The following CACNA1C variants were observed in gnomAD, a reference collection of about 807,000 sequenced individuals.
CACNA1C encodes the protein voltage-dependent L-type calcium channel subunit alpha-1C.
A neutral mutation model predicts 229.0 loss-of-function variants in CACNA1C; 30 were observed. That is an observed-to-expected ratio of 0.13 (90% CI 0.10 to 0.18). The LOEUF (loss-of-function observed/expected upper bound fraction) is 0.18. Among genes scored for constraint, CACNA1C ranks in the 10% least tolerant of loss-of-function variants. CACNA1C has a pLI of 1.00. For synonymous variants in CACNA1C, 1,114 were observed against 1,132.5 expected (o/e 0.98, Z 0.33); for missense variants, 1,658 against 2,845.0 (o/e 0.58, Z 9.49).
chr12:2,406,503 C>A (rs1412275077), intron 3 of CACNA1C, among the ~76,000 whole-genome samples: 1 of 152,178 alleles, frequency 6.6e-6, no homozygotes, highest in Non-Finnish European at 1.5e-5. Flanking sequence ...CCTTCAAGTT[C>A]ATTGATTCCT....
chr12:2,589,404 G>A (rs899496812), intron 18 of CACNA1C, among the ~76,000 whole-genome samples: 2 of 152,256 alleles, frequency 1.3e-5, no homozygotes, highest in African/African-American at 2.4e-5. Flanking sequence ...GGATTCAAAA[G>A]AACTAGACAT....
In CACNA1C at chr12:2,090,310, C is replaced by CTTTTTTT. The variant is rs145675982; in HGVS notation, c.50-24895_50-24889dup. 1.7e-3 allele frequency among the ~76,000 whole-genome samples: 116 copies of CTTTTTTT among 69,192 alleles called. 2 individuals are homozygous for CTTTTTTT. The highest frequency in any genetic ancestry group is 2.7e-3 in the South Asian group (4 of 1,498). The allele number at this position is 69,192 out of a possible 152,430, so 45.4% of individuals were successfully genotyped here. ...AATAGTCCATTTTATGGATAGACTA[C>CTTTTTTT]TTTTTTTTTTTTTTTTTTTTTTTTT... is the stretch of plus-strand genomic sequence containing the variant. On this transcript the variant is annotated intron_variant, in intron 1 of 46. Coordinates refer to ENST00000399655, the MANE Select transcript of CACNA1C (RefSeq NM_000719.7).
chr12:2,202,374 C>A (rs1380249178), intron 3 of CACNA1C, among the ~76,000 whole-genome samples: 1 of 152,240 alleles, frequency 6.6e-6, no homozygotes, highest in African/African-American at 2.4e-5. Flanking sequence ...TTGCCTCCAG[C>A]TAATCAATGC....
Position 2,633,763 on chromosome 12 carries a change from G to T in CACNA1C, c.3829-534G>T, listed in dbSNP as rs987514826. ...GAAACCTCCTCATTCCTCCTCCTCT[G>T]CCTCGTCTATTTCTCTCTCTCTCAC... On this transcript the variant is annotated intron_variant, in intron 29 of 46. Transcript: ENST00000399655. The surrounding 1 kb of genome is among the most constrained non-coding windows in gnomAD (Gnocchi z 5.8). 2 of 965,192 alleles carry T rather than the reference G, an allele frequency of 2.1e-6. No homozygotes were observed. Among genetic ancestry groups the T allele is most frequent in the Admixed American group, 3.5e-5 (2 of 56,866 alleles). The allele number at this position is 965,192 out of a possible 1,614,324, so 59.8% of individuals were successfully genotyped here.
At chr12:2,128,397 A>C (rs571233855) in intron 3 of CACNA1C, among the ~76,000 whole-genome samples, 1 of 152,080 alleles carries the variant, frequency 6.6e-6, no homozygotes, top group African/African-American at 2.4e-5. Context: ...AGTTAGCCAA[A>C]GGTAAATACA....
intron 43 of CACNA1C, among the ~76,000 whole-genome samples, chr12:2,683,873 G>A (rs1167417204): frequency 6.6e-6 from 1 of 152,220 alleles, no homozygotes; most frequent in Non-Finnish European, 1.5e-5. Context: ...TCTCAGCCCC[G>A]CCAGGGAACC....
intron 3 of CACNA1C, among the ~76,000 whole-genome samples, chr12:2,126,755 C>A (rs2090230496): frequency 1.3e-5 from 2 of 152,194 alleles, no homozygotes; most frequent in Admixed American, 6.5e-5. Context: ...AAAATTGGGG[C>A]AACCAGAGTT....
chr12:2,074,681 C>T (rs2062548627), intron 1 of CACNA1C, among the ~76,000 whole-genome samples: 1 of 152,144 alleles, frequency 6.6e-6, no homozygotes, highest in Admixed American at 6.5e-5. Context: ...GCCCTTTCCG[C>T]AGCAAATGGA....
intron 3 of CACNA1C, among the ~76,000 whole-genome samples, chr12:2,395,022 T>C (rs1005181118): frequency 2.6e-5 from 4 of 152,096 alleles, no homozygotes; most frequent in African/African-American, 7.2e-5. Context: ...TATTTATTTA[T>C]TTACTTATTT....
intron 3 of CACNA1C, among the ~76,000 whole-genome samples, chr12:2,180,413 T>C (rs2096799448): frequency 6.6e-6 from 1 of 152,194 alleles, no homozygotes; most frequent in Non-Finnish European, 1.5e-5. Context: ...CCTCCTGCTT[T>C]GGAGGAAGCG....
chr12:2,578,367 G>T (rs1452949409), intron 13 of CACNA1C, among the ~76,000 whole-genome samples: 1 of 152,184 alleles, frequency 6.6e-6, no homozygotes, highest in Non-Finnish European at 1.5e-5. Context: ...AGTGCAGCTG[G>T]CTGGTCCCTG....
chr12:2,256,629 G>A (rs1338334900), intron 3 of CACNA1C, among the ~76,000 whole-genome samples: 4 of 152,268 alleles, frequency 2.6e-5, no homozygotes, highest in African/African-American at 4.8e-5. Flanking sequence ...GAGCCAGGAC[G>A]TAAAGCAGAT....
intron 1 of CACNA1C, among the ~76,000 whole-genome samples, chr12:2,069,684 C>T (rs555033697): frequency 6.6e-6 from 1 of 152,318 alleles, no homozygotes; most frequent in South Asian, 2.1e-4. Flanking sequence ...TGTAACCTCA[C>T]TTATAATGAC....
chr12:2,580,174 A>G (rs1600905149), intron 13 of CACNA1C, among the ~76,000 whole-genome samples: 1 of 152,358 alleles, frequency 6.6e-6, no homozygotes, highest in African/African-American at 2.4e-5. Flanking sequence ...TATAGAACAG[A>G]TACAAATAGA....
At position 2,597,579 on chromosome 12, in the gene CACNA1C, T is replaced by G; in HGVS notation, c.2853+290T>G. 5.4e-6 allele frequency: 5 copies of G among 931,550 alleles called. No individual in the cohort carries two copies. The highest frequency in any genetic ancestry group is 8.7e-6 in the Non-Finnish European group (5 of 572,522). The allele number at this position is 931,550 out of a possible 1,614,324, so 57.7% of individuals were successfully genotyped here. On this transcript the variant is annotated intron_variant, in intron 21 of 46. Coordinates refer to ENST00000399655, the MANE Select transcript of CACNA1C (RefSeq NM_000719.7). The surrounding 1 kb of genome is among the most constrained non-coding windows in gnomAD (Gnocchi z 4.3). Reference sequence around the variant, plus strand: ...GTGGCTGGATCTTTTGTCTTTTCTGTTTCTTTCACTCTCTCTTTTCTTTAC... The same window carrying G: ...GTGGCTGGATCTTTTGTCTTTTCTGGTTCTTTCACTCTCTCTTTTCTTTAC...
intron 7 of CACNA1C, among the ~76,000 whole-genome samples, chr12:2,500,181 A>T (rs761642207): frequency 6.6e-6 from 1 of 152,130 alleles, no homozygotes; most frequent in Non-Finnish European, 1.5e-5. Flanking sequence ...CTAAAAAACC[A>T]GCCCACAGCC....
intron 29 of CACNA1C, among the ~76,000 whole-genome samples, chr12:2,631,618 T>C (rs2090440099): frequency 2.0e-5 from 3 of 152,224 alleles, no homozygotes; most frequent in Non-Finnish European, 2.9e-5. Context: ...AGCATGTGAC[T>C]TAAATGGGAG....
intron 9 of CACNA1C, among the ~76,000 whole-genome samples, chr12:2,535,944 A>T (rs946866860): frequency 6.6e-6 from 1 of 152,220 alleles, no homozygotes; most frequent in South Asian, 2.1e-4. Context: ...CTGAAGAGAC[A>T]CCATGGGGTT....
intron 3 of CACNA1C, among the ~76,000 whole-genome samples, chr12:2,246,372 G>A (rs561943693): frequency 3.3e-5 from 5 of 152,172 alleles, no homozygotes; most frequent in African/African-American, 4.8e-5. Context: ...TGAATAGGAG[G>A]CTGTAGTAAG....
Sources: allele counts gnomAD v4.1 joint callset (sites outside exome capture counted in the v4.1 genomes callset), GRCh38; gene constraint gnomAD v4.1.1; non-coding constraint Gnocchi (gnomAD v3.1); transcripts MANE v1.5; gene names NCBI Gene and HGNC (gene_info 2026-07-23, HGNC 2026-07-21).